Variants in GCFC2 observed in about 807,000 individuals in gnomAD.
The protein encoded by GCFC2 is GC-rich sequence DNA-binding factor 2, also known as intron Large complex component GCFC2.
A neutral mutation model predicts 99.4 loss-of-function variants in GCFC2; 102 were observed. The ratio of observed to expected loss-of-function variants is 1.03; its 90% confidence interval spans 0.87 to 1.21. The LOEUF is 1.21. Among genes scored for constraint, GCFC2 ranks in the 50% most tolerant of loss-of-function variants. The pLI is 0.00. For missense variants in GCFC2, 973 were observed against 920.9 expected (o/e 1.06, Z -0.73); for synonymous variants, 338 against 316.8 (o/e 1.07, Z -0.71).
At chr2:75,675,752 A>C (rs981487302) in intron 12 of GCFC2, among the ~76,000 whole-genome samples, 7 of 151,402 alleles carry the variant, frequency 4.6e-5, no homozygotes, top group Middle Eastern at 3.4e-3. Flanking sequence ...AAAAAAAAAA[A>C]AAAAAACAAA....
chr2:75,673,303 G>A (rs1679202253), intron 13 of GCFC2, 141 bp downstream of exon 13: 2 of 605,552 alleles, frequency 3.3e-6, no homozygotes, highest in Non-Finnish European at 5.9e-6. Flanking sequence ...GTGAGACTCA[G>A]TCTCAAAAGA....
intron 4 of GCFC2, among the ~76,000 whole-genome samples, chr2:75,698,536 A>G (rs1462768071): frequency 6.6e-6 from 1 of 152,222 alleles, no homozygotes; most frequent in Non-Finnish European, 1.5e-5. Context: ...GATAATTTAT[A>G]ATATGTCAAG....
At chr2:75,710,434 C>T (rs1320675823) in intron 1 of GCFC2, 157 bp downstream of exon 1, 3 of 1,364,644 alleles carry the variant, frequency 2.2e-6, no homozygotes, top group Non-Finnish European at 2.8e-6. Flanking sequence ...GCTATTTTCT[C>T]GCTCACTACC....
At position 75,694,442 on chromosome 2, in the gene GCFC2, TA is replaced by T. The variant is rs749819544; in HGVS notation, c.834-16del. 1.8e-6 allele frequency: 2 copies of T among 1,094,382 alleles called. No individual in the cohort carries two copies. The highest frequency in any genetic ancestry group is 2.8e-5 in the Admixed American group (1 of 36,114). The allele number at this position is 1,094,382 out of a possible 1,614,324, so 67.8% of individuals were successfully genotyped here. On this transcript the variant is annotated splice_polypyrimidine_tract_variant and intron_variant, in intron 5 of 16. Coordinates refer to ENST00000321027, the MANE Select transcript of GCFC2 (RefSeq NM_003203.5). ...GTAATGTTAATCTAAATAAATAAAA[TA>T]AAAATTAGTTTATTTTTCATACTCT...
At position 75,664,366 on chromosome 2, in the gene GCFC2, C is replaced by G; in HGVS notation, c.*300G>C. 5.5e-6 allele frequency: 1 copy of G among 180,194 alleles called. No individual in the cohort carries two copies. Among genetic ancestry groups the G allele is most frequent in the East Asian group, 1.4e-4 (1 of 7,022 alleles). The allele number at this position is 180,194 out of a possible 1,614,324, so 11.2% of individuals were successfully genotyped here. ...TGCTCACTTAAGCTAAAACCTTTAG[C>G]AAGGTTTCTCCAGTTCCCCTCTTAA... is the stretch of plus-strand genomic sequence containing the variant. On this transcript the variant is annotated 3_prime_UTR_variant, in exon 17 of 17. Transcript: ENST00000321027.
intron 2 of GCFC2, among the ~76,000 whole-genome samples, chr2:75,703,396 A>G (rs1680696033): frequency 6.6e-6 from 1 of 152,196 alleles, no homozygotes; most frequent in African/African-American, 2.4e-5. Flanking sequence ...AAAAGCTCCC[A>G]TGTTTGAAAC....
chr2:75,709,200 A>T (rs182845558), intron 1 of GCFC2, among the ~76,000 whole-genome samples: 1 of 152,288 alleles, frequency 6.6e-6, no homozygotes, highest in East Asian at 1.9e-4. Flanking sequence ...CTACTGAAAC[A>T]AAAGCTCTTT....
chr2:75,702,162 A>T, intron 3 of GCFC2, 37 bp downstream of exon 3: 1 of 1,583,032 alleles, frequency 6.3e-7, no homozygotes. Context: ...ATTCTAATAA[A>T]AAATATCCTA....
At chr2:75,689,365 C>T (rs1679954448) in intron 9 of GCFC2, 140 bp from the exon 10 acceptor site, 1 of 545,702 alleles carries the variant, frequency 1.8e-6, no homozygotes, top group Non-Finnish European at 3.2e-6. Flanking sequence ...TATTAAATCA[C>T]TTTATCAACA....
intron 12 of GCFC2, 74 bp downstream of exon 12, chr2:75,680,119 T>C: frequency 9.4e-7 from 1 of 1,065,358 alleles, no homozygotes; most frequent in Non-Finnish European, 1.4e-6. Flanking sequence ...GCATCTTTTA[T>C]AAACCAAGAT....
intron 1 of GCFC2, among the ~76,000 whole-genome samples, chr2:75,707,050 C>A (rs190065533): frequency 6.6e-6 from 1 of 152,082 alleles, no homozygotes; most frequent in African/African-American, 2.4e-5. Flanking sequence ...TATTTAATAC[C>A]TGTAATTCTA....
At chr2:75,691,854 G>T in intron 7 of GCFC2, 123 bp downstream of exon 7, 1 of 405,358 alleles carries the variant, frequency 2.5e-6, no homozygotes, top group Non-Finnish European at 4.1e-6. Context: ...TTTGGAAGTT[G>T]GTGGGTAAAG....
upstream of GCFC2, among the ~76,000 whole-genome samples, chr2:75,711,917 C>A (rs572577073): frequency 1.4e-4 from 21 of 152,380 alleles, no homozygotes; most frequent in Admixed American, 3.3e-4. Context: ...CCCTGCTCCA[C>A]GGCGCCCAGT....
chr2:75,680,714 ATC>A (rs777656711), intron 11 of GCFC2, among the ~76,000 whole-genome samples: 1 of 152,000 alleles, frequency 6.6e-6, no homozygotes, highest in African/African-American at 2.4e-5. Flanking sequence ...CCTCTCCGTT[ATC>A]TCTCTCTCAG....
chr2:75,673,985 T>G (rs1679237965), intron 12 of GCFC2, among the ~76,000 whole-genome samples: 2 of 152,250 alleles, frequency 1.3e-5, no homozygotes, highest in Admixed American at 6.5e-5. Flanking sequence ...AAATCCTGTT[T>G]CACTACATAC....
chr2:75,694,997 T>C (rs1355487652), intron 5 of GCFC2, among the ~76,000 whole-genome samples: 1 of 152,060 alleles, frequency 6.6e-6, no homozygotes, highest in Non-Finnish European at 1.5e-5. Flanking sequence ...TTTTTAACAA[T>C]GAGAGTGTAT....
rs377430257 is a variant in GCFC2, at chr2:75,706,580, G to C, written c.337C>G (p.Gln113Glu). ...IHHSSESKDDQGLSSDSSSSL... is the reference protein window; with the variant it reads ...IHHSSESKDDEGLSSDSSSSL... ...CTAGAACTGTCAGAAGACAAACCCT[G>C]ATCATCCTTACTTTCTGAGGAGTGA... The change falls in exon 2 of 17, where the codon CAG (glutamine) becomes GAG (glutamate). Residue 113 changes from glutamine (Q) to glutamate (E), a missense_variant. Transcript: ENST00000321027. 18 of 1,599,028 alleles carry C rather than the reference G, an allele frequency of 1.1e-5. No individual in the cohort carries two copies. In the African/African-American group the frequency reaches 1.3e-4, roughly 12 times the overall value.
At chr2:75,670,403 C>A (rs537248761) in intron 14 of GCFC2, 119 bp from the exon 15 acceptor site, 2 of 623,988 alleles carry the variant, frequency 3.2e-6, no homozygotes, top group South Asian at 2.1e-5. Flanking sequence ...CCTGTTGGAA[C>A]TGTCAATTTT....
intron 2 of GCFC2, among the ~76,000 whole-genome samples, chr2:75,703,211 G>GA (rs1680688261): frequency 6.6e-6 from 1 of 152,034 alleles, no homozygotes. Context: ...GGTTTCTTAA[G>GA]AAAAATACTA....
Sources: gnomAD v4.1 joint callset for allele counts (sites outside exome capture counted in the v4.1 genomes callset) on GRCh38, gnomAD v4.1.1 for gene constraint, MANE v1.5 for transcripts, NCBI Gene and HGNC (gene_info 2026-07-23, HGNC 2026-07-21) for gene names.